Variants in SLCO1B3 observed in about 807,000 individuals in gnomAD.
SLCO1B3 encodes the protein liver-specific organic anion transporter 2.
SLCO1B3 carries 72 observed loss-of-function variants against 71.8 expected under a neutral mutation model. The ratio of observed to expected loss-of-function variants is 1.00; its 90% CI spans 0.83 to 1.22. SLCO1B3 has a LOEUF of 1.22. Among genes scored for constraint, SLCO1B3 ranks in the 50% most tolerant of loss-of-function variants. The probability of loss-of-function intolerance (pLI) is 0.00; values close to 1 mark genes in which losing one functional copy is unlikely to be tolerated. For missense variants in SLCO1B3, 911 were observed against 819.7 expected (o/e 1.11, Z -1.36); for synonymous variants, 298 against 278.4 (o/e 1.07, Z -0.70).
intron 13 of SLCO1B3, among the ~76,000 whole-genome samples, chr12:20,893,617 AG>A (rs1253281569): frequency 3.3e-5 from 5 of 152,218 alleles, no homozygotes; most frequent in Non-Finnish European, 7.4e-5. Flanking sequence ...GGAGTAAGCC[AG>A]GCTTTGTTTA....
intron 13 of SLCO1B3, among the ~76,000 whole-genome samples, chr12:20,892,796 C>T (rs1173590081): frequency 1.3e-5 from 2 of 152,060 alleles, no homozygotes; most frequent in African/African-American, 2.4e-5. Flanking sequence ...GAATATTGGA[C>T]GATTGCCCTG....
intron 15 of SLCO1B3, among the ~76,000 whole-genome samples, chr12:20,906,000 A>C (rs1866237520): frequency 6.6e-6 from 1 of 152,182 alleles, no homozygotes; most frequent in Non-Finnish European, 1.5e-5. Context: ...AAGTGTAAAA[A>C]GGGAAGGACT....
At chr12:20,868,459 A>G (rs1865413720) in intron 8 of SLCO1B3, among the ~76,000 whole-genome samples, 1 of 152,126 alleles carries the variant, frequency 6.6e-6, no homozygotes, top group Non-Finnish European at 1.5e-5. Context: ...GAAACTTTTT[A>G]TACCCATTGA....
intron 3 of SLCO1B3, among the ~76,000 whole-genome samples, chr12:20,817,463 G>A (rs938290684): frequency 3.7e-4 from 57 of 152,144 alleles, no homozygotes; most frequent in African/African-American, 1.3e-3. Context: ...AATGTTCCTG[G>A]CACCTTTGTC....
chr12:20,847,847 G>A (rs1260244755), intron 3 of SLCO1B3, among the ~76,000 whole-genome samples: 1 of 151,862 alleles, frequency 6.6e-6, no homozygotes, highest in Non-Finnish European at 1.5e-5. Context: ...GGCTGGCTGA[G>A]AACACCACAA....
At chr12:20,832,797 A>T (rs1255805736) in intron 3 of SLCO1B3, among the ~76,000 whole-genome samples, 1 of 152,170 alleles carries the variant, frequency 6.6e-6, no homozygotes, top group Non-Finnish European at 1.5e-5. Context: ...ACTCCTGAAC[A>T]CCCCATATAA....
At chr12:20,838,438 A>G (rs1175995151) in intron 3 of SLCO1B3, among the ~76,000 whole-genome samples, 1 of 151,994 alleles carries the variant, frequency 6.6e-6, no homozygotes, top group Non-Finnish European at 1.5e-5. Context: ...CATTTAGATA[A>G]TTGATGTTAA....
At position 20,855,117 on chromosome 12, in the gene SLCO1B3, AT is replaced by A. The variant is rs1317305245; in HGVS notation, c.177del (p.Phe59LeufsTer10). On this transcript the variant is annotated frameshift_variant, in exon 4 of 16. Coordinates refer to ENST00000381545, the MANE Select transcript of SLCO1B3 (RefSeq NM_019844.4). LOFTEE classifies it high-confidence loss of function. ...TTTCCATCACTCAAATAGAAAGGAG[AT>A]TTGACATATCCTCTTCTCTTGCTGG... ...KISITQIERR[F>X]DISSSLAGLI... 1 of 1,612,316 alleles carries A rather than the reference AT, an allele frequency of 6.2e-7. No homozygotes were observed. The highest frequency in any genetic ancestry group is 1.1e-5 in the South Asian group (1 of 90,986).
intron 6 of SLCO1B3, among the ~76,000 whole-genome samples, chr12:20,861,516 G>C (rs1865265359): frequency 6.6e-6 from 1 of 152,016 alleles, no homozygotes; most frequent in Non-Finnish European, 1.5e-5. Context: ...TGTATACCAA[G>C]GGCATTTAGA....
intron 8 of SLCO1B3, among the ~76,000 whole-genome samples, chr12:20,865,147 A>G (rs1394452984): frequency 1.3e-5 from 2 of 152,152 alleles, no homozygotes; most frequent in Non-Finnish European, 2.9e-5. Flanking sequence ...GTTCCTATAT[A>G]TAGACCAGTG....
chr12:20,915,879 C>T, intron 15 of SLCO1B3, 125 bp from the exon 16 acceptor site: 1 of 628,918 alleles, frequency 1.6e-6, no homozygotes, highest in Non-Finnish European at 2.7e-6. Context: ...TAGAATTGTT[C>T]TCTTAATATT....
chr12:20,828,648 C>G lies in SLCO1B3; in HGVS notation c.84+12826C>G, dbSNP rs535361100. ...AAGCATAAAGGCACACACACACATA[C>G]ACACACACACACACACACTCACACA... On this transcript the variant is annotated intron_variant, in intron 3 of 15. Coordinates refer to ENST00000381545, the MANE Select transcript of SLCO1B3 (RefSeq NM_019844.4). Among the ~76,000 whole-genome samples the G allele has an allele frequency of 2.7e-5, 4 of 147,724 alleles. No homozygotes were observed. The East Asian group carries it at 7.9e-4, about 29-fold the overall frequency.
chr12:20,892,162 C>A (rs1250980281), intron 13 of SLCO1B3, among the ~76,000 whole-genome samples: 2 of 152,006 alleles, frequency 1.3e-5, no homozygotes, highest in African/African-American at 2.4e-5. Context: ...TTCTCTGGTT[C>A]TTTCTAACTT....
At chr12:20,836,867 T>A (rs1462514074) in intron 3 of SLCO1B3, among the ~76,000 whole-genome samples, 1 of 152,182 alleles carries the variant, frequency 6.6e-6, no homozygotes, top group African/African-American at 2.4e-5. Flanking sequence ...GGTCTCGATC[T>A]CCTGACCTCG....
intron 15 of SLCO1B3, among the ~76,000 whole-genome samples, chr12:20,913,070 G>A (rs1189080631): frequency 6.6e-6 from 1 of 152,114 alleles, no homozygotes; most frequent in Non-Finnish European, 1.5e-5. Flanking sequence ...GTCTGTTGCT[G>A]TTTGATGTAG....
intron 8 of SLCO1B3, among the ~76,000 whole-genome samples, chr12:20,874,817 C>A (rs1429612395): frequency 6.6e-6 from 1 of 152,112 alleles, no homozygotes. Flanking sequence ...TTTTTGCCAG[C>A]TGCTTAAATT....
In SLCO1B3 at chr12:20,916,257, GATTCATTA is replaced by G. The variant is rs1257072785; in HGVS notation, c.*12_*19del. The G allele has an allele frequency of 6.2e-7, 1 of 1,607,284 alleles. No homozygotes were observed. Among genetic ancestry groups the G allele is most frequent in the Non-Finnish European group, 8.5e-7 (1 of 1,176,358 alleles). On this transcript the variant is annotated 3_prime_UTR_variant, in exon 16 of 16. Transcript: ENST00000381545. ...TGCTGCTGCCAACTAACATTGCATT[GATTCATTA>G]AGATGTTATTTTTGAGGTGTTCCTG...
Position 20,862,413 on chromosome 12 carries a change from T to C in SLCO1B3, c.483T>C (p.Asp161=), listed in dbSNP as rs1156394698. Reference sequence around the variant, plus strand: ...TAAAACACTCTCTTGTCTCGATAGATTGTGTAAAGGAATCTGGGTCACACA... The same window carrying C: ...TAAAACACTCTCTTGTCTCGATAGACTGTGTAAAGGAATCTGGGTCACACA... The part of the protein sequence containing the change: ...NGTSPEIVEK[D]CVKESGSHMW... The change falls in exon 7 of 16, where the codon GAT becomes GAC. Residue 161 remains aspartate (D), a splice_region_variant and synonymous_variant. Transcript: ENST00000381545. The C allele has an allele frequency of 3.1e-6, 5 of 1,606,650 alleles. No individual in the cohort carries two copies. The highest frequency in any genetic ancestry group is 4.2e-6 in the Non-Finnish European group (5 of 1,177,854).
intron 13 of SLCO1B3, among the ~76,000 whole-genome samples, chr12:20,887,584 GTTGT>G (rs1342646665): frequency 6.6e-6 from 1 of 151,120 alleles, no homozygotes; most frequent in Non-Finnish European, 1.5e-5. Flanking sequence ...TTTTTATTGA[GTTGT>G]TTGAGTTCTT....
Sources: gnomAD v4.1 joint callset for allele counts (sites outside exome capture counted in the v4.1 genomes callset) on GRCh38, gnomAD v4.1.1 for gene constraint, MANE v1.5 for transcripts, NCBI Gene and HGNC (gene_info 2026-07-23, HGNC 2026-07-21) for gene names.